The following TRRAP variants were observed in gnomAD, a reference collection of about 807,000 sequenced individuals.
TRRAP encodes transformation/transcription domain associated protein.
In TRRAP, 41 loss-of-function variants were observed where a neutral mutation model predicts 438.8. That is an observed-to-expected ratio of 0.09 (90% CI 0.07 to 0.12). TRRAP has a LOEUF of 0.12. TRRAP is among the 10% of genes least tolerant of loss of function. The probability of loss-of-function intolerance (pLI) is 1.00; values close to 1 mark genes in which losing one functional copy is unlikely to be tolerated. For missense variants in TRRAP, 3,122 were observed against 5,055.1 expected (o/e 0.62, Z 11.60); for synonymous variants, 1,994 against 1,962.9 (o/e 1.02, Z -0.42).
chr7:98,984,936 T>G lies in TRRAP; in HGVS notation c.9289-8T>G. On this transcript the variant is annotated splice_polypyrimidine_tract_variant and splice_region_variant and intron_variant, in intron 61 of 72. Coordinates refer to ENST00000456197, the MANE Select transcript of TRRAP (RefSeq NM_001375524.1). ...AGAACTTTTTTTCTGCTCATTTTTT[T>G]TGAACAGGGCCTTGAAGTTATTGAA... 5 of 1,582,718 alleles carry G rather than the reference T, an allele frequency of 3.2e-6. No homozygotes were observed. The highest frequency in any genetic ancestry group is 4.3e-6 in the Non-Finnish European group (5 of 1,166,064).
At chr7:98,999,430 C>A in intron 67 of TRRAP, 1 of 1,018,726 alleles carries the variant, frequency 9.8e-7, no homozygotes, top group South Asian at 1.3e-5. Flanking sequence ...CCTCCAAAAT[C>A]TAGCTCTGAT....
chr7:98,982,018 G>A (rs56211501), intron 59 of TRRAP, 58 bp downstream of exon 59: 3 of 1,443,466 alleles, frequency 2.1e-6, no homozygotes, highest in Non-Finnish European at 2.7e-6. Flanking sequence ...CCAAGCGCCG[G>A]TGTCCAGGCT....
chr7:98,967,416 C>T, intron 50 of TRRAP, 69 bp from the exon 51 acceptor site: 2 of 1,534,502 alleles, frequency 1.3e-6, no homozygotes, highest in Non-Finnish European at 8.9e-7. Context: ...CCACGTTCAC[C>T]TGTTTCTGCT....
In TRRAP at chr7:99,005,210, A is replaced by G; in HGVS notation, c.10615A>G (p.Ile3539Val). 1.9e-6 allele frequency: 3 copies of G among 1,614,130 alleles called. No individual in the cohort carries two copies. The highest frequency in any genetic ancestry group is 2.5e-6 in the Non-Finnish European group (3 of 1,180,044). The change falls in exon 69 of 73, where the codon ATC (isoleucine) becomes GTC (valine). Residue 3539 changes from isoleucine to valine, a missense_variant. Ile to Val is a conservative substitution (Grantham distance 29). Transcript: ENST00000456197. The surrounding 1 kb of genome is among the most constrained non-coding windows in gnomAD (Gnocchi z 5.1). ...GTACATCCGGGGACACAATGGCAAG[A>G]TCTACCCATACCTCGTCATGAACGA... The part of the protein sequence containing the change: ...RLYIRGHNGK[I>V]YPYLVMNDAC...
intron 16 of TRRAP, among the ~76,000 whole-genome samples, 157 bp from the exon 17 acceptor site, chr7:98,910,920 G>T (rs1458052891): frequency 6.6e-6 from 1 of 151,804 alleles, no homozygotes; most frequent in Non-Finnish European, 1.5e-5. Context: ...CCAAAATTAA[G>T]GTGAGAAAGG....
At chr7:99,002,382 G>C (rs1318028047) in intron 67 of TRRAP, among the ~76,000 whole-genome samples, 1 of 152,236 alleles carries the variant, frequency 6.6e-6, no homozygotes, top group Non-Finnish European at 1.5e-5. Context: ...GGGTTGCATA[G>C]GATGCTGGTG....
intron 6 of TRRAP, 45 bp downstream of exon 6, chr7:98,893,926 A>G: frequency 1.3e-6 from 2 of 1,578,868 alleles, no homozygotes; most frequent in Non-Finnish European, 8.6e-7. Flanking sequence ...GTGTGTCAAC[A>G]TGTTCCTTCT....
chr7:98,971,705 C>A lies in TRRAP; in HGVS notation c.7693-94C>A. ...TTCCAGGAAACGAACACGAATTTTA[C>A]CAAAATTGTAACAAGAAGCCTACAG... On this transcript the variant is annotated intron_variant, in intron 52 of 72. Coordinates refer to ENST00000456197, the MANE Select transcript of TRRAP (RefSeq NM_001375524.1). The A allele has an allele frequency of 2.7e-6, 4 of 1,482,854 alleles. No individual in the cohort carries two copies. The South Asian group carries it at 4.1e-5, about 15-fold the overall frequency. The allele number at this position is 1,482,854 out of a possible 1,614,324, so 91.9% of individuals were successfully genotyped here.
At chr7:98,985,407 A>G (rs1041142164) in intron 62 of TRRAP, among the ~76,000 whole-genome samples, 1 of 152,250 alleles carries the variant, frequency 6.6e-6, no homozygotes, top group Admixed American at 6.5e-5. Context: ...GGGGCCAGCC[A>G]CATCCAGCCA....
At chr7:98,993,279 A>G (rs563233400) in intron 65 of TRRAP, among the ~76,000 whole-genome samples, 1 of 152,356 alleles carries the variant, frequency 6.6e-6, no homozygotes, top group Admixed American at 6.5e-5. Context: ...GCATCCTCCT[A>G]AAACACATAC....
At chr7:98,954,329 C>A (rs1192099759) in intron 40 of TRRAP, among the ~76,000 whole-genome samples, 1 of 152,268 alleles carries the variant, frequency 6.6e-6, no homozygotes, top group Non-Finnish European at 1.5e-5. Context: ...AAATGTAATA[C>A]TCCACTCGAG....
At chr7:98,979,872 A>T (rs552146475) in intron 58 of TRRAP, among the ~76,000 whole-genome samples, 1 of 152,334 alleles carries the variant, frequency 6.6e-6, no homozygotes, top group South Asian at 2.1e-4. Context: ...GGATTCAGCA[A>T]ATTACTTCTG....
intron 4 of TRRAP, among the ~76,000 whole-genome samples, chr7:98,890,984 G>A (rs1381894241): frequency 6.7e-6 from 1 of 150,322 alleles, no homozygotes; most frequent in Non-Finnish European, 1.5e-5. Context: ...TGTAGAGAAT[G>A]GGGGTCTTGC....
At chr7:98,966,692 A>C (rs960740721) in intron 49 of TRRAP, among the ~76,000 whole-genome samples, 6 of 152,210 alleles carry the variant, frequency 3.9e-5, no homozygotes, top group Non-Finnish European at 8.8e-5. Context: ...CTTAGAAAAA[A>C]AAAAAAGTTG....
At position 98,955,256 on chromosome 7, in the gene TRRAP, C is replaced by A. The variant is rs186558765; in HGVS notation, c.5889C>A (p.Thr1963=). The change falls in exon 41 of 73, where the codon ACC becomes ACA. Residue 1963 remains threonine (T), a synonymous_variant. Transcript: ENST00000456197. ...AGATCATTGTGGAGGAGGGGCACACCGTCCCGCAGCTGGTCCACATTCTGC... is the reference window on the plus strand; with the variant it reads ...AGATCATTGTGGAGGAGGGGCACACAGTCCCGCAGCTGGTCCACATTCTGC... ...TRKIIVEEGH[T]VPQLVHILHL... is the part of the protein sequence containing the mutation. The A allele has an allele frequency of 6.2e-7, 1 of 1,614,136 alleles. No homozygotes were observed. Among genetic ancestry groups the A allele is most frequent in the South Asian group, 1.1e-5 (1 of 91,086 alleles).
rs782141031 is a variant in TRRAP at position 98,949,516 on chromosome 7, G to T, written c.4888G>T (p.Ala1630Ser). 1 of 1,608,732 alleles carries T rather than the reference G, an allele frequency of 6.2e-7. No homozygotes were observed. Among genetic ancestry groups the T allele is most frequent in the African/African-American group, 1.3e-5 (1 of 74,520 alleles). Residue 1630 changes from alanine to serine, a missense_variant, in exon 36 of 73, where the codon GCT (alanine) becomes TCT (serine). Coordinates refer to ENST00000456197, the MANE Select transcript of TRRAP (RefSeq NM_001375524.1). ...GCTGCTGCCGGGGGGTGCCCAGACG[G>T]CTGTGCGCCCCGGTTCGCCCAGCAC... ...TLLLPGGAQT[A>S]VRPGSPSTST...
At chr7:98,974,412 T>C (rs1311447092) in intron 53 of TRRAP, among the ~76,000 whole-genome samples, 2 of 152,172 alleles carry the variant, frequency 1.3e-5, no homozygotes, top group East Asian at 3.9e-4. Flanking sequence ...AGGCTCTTTC[T>C]CTTTCACCTC....
chr7:98,935,830 T>TAAACATA (rs1790529939), intron 28 of TRRAP, among the ~76,000 whole-genome samples, 155 bp downstream of exon 28: 1 of 152,234 alleles, frequency 6.6e-6, no homozygotes, highest in Non-Finnish European at 1.5e-5. Context: ...TGTATGTTTA[T>TAAACATA]CAAACTGTGT....
chr7:98,984,873 A>G, intron 61 of TRRAP, 71 bp from the exon 62 acceptor site: 1 of 950,680 alleles, frequency 1.1e-6, no homozygotes, highest in Non-Finnish European at 1.6e-6. Context: ...TGCCTAGATT[A>G]GTATTTTATG....
Sources: gnomAD v4.1 joint callset for allele counts (sites outside exome capture counted in the v4.1 genomes callset) on GRCh38, gnomAD v4.1.1 for gene constraint, Gnocchi (gnomAD v3.1) non-coding constraint, MANE v1.5 for transcripts, NCBI Gene and HGNC (gene_info 2026-07-23, HGNC 2026-07-21) for gene names.